The following SNTB2 variants were observed in gnomAD, a reference collection of about 807,000 sequenced individuals.
SNTB2 encodes the protein beta-2-syntrophin.
In SNTB2, 34 loss-of-function variants were observed where a neutral mutation model predicts 46.2. That is an observed-to-expected ratio of 0.74 (90% CI 0.56 to 0.98). The LOEUF (loss-of-function observed/expected upper bound fraction) is 0.98. Among genes scored for constraint, SNTB2 ranks in the 50% least tolerant of loss-of-function variants. The pLI is 0.00. For synonymous variants in SNTB2, 290 were observed against 312.6 expected, an observed-to-expected ratio of 0.93 and a Z score of 0.76; for missense variants, 603 against 731.4, an observed-to-expected ratio of 0.82 and a Z score of 2.02.
In SNTB2 at chr16:69,187,438, TGGGGCCCCCGAGCCCGCCGGCGCCGCCTC is replaced by T; in HGVS notation, c.281_309del (p.Pro94ArgfsTer3). On this transcript the variant is annotated frameshift_variant, in exon 1 of 7. Coordinates refer to ENST00000336278, the MANE Select transcript of SNTB2 (RefSeq NM_006750.4). LOFTEE classifies it high-confidence loss of function. ...CTGCCCGGGAGCCCAAGCCGCGGCC[TGGGGCCCCCGAGCCCGCCGGCGCCGCCTC>T]GGGGCCCCGCGGGTGAGGCGGGCGC... is the stretch of plus-strand genomic sequence containing the variant. The T allele has an allele frequency of 8.5e-7, 1 of 1,172,842 alleles. No individual in the cohort carries two copies. The highest frequency in any genetic ancestry group is 1.1e-6 in the Non-Finnish European group (1 of 950,940). The allele number at this position is 1,172,842 out of a possible 1,614,324, so 72.7% of individuals were successfully genotyped here. A position where few individuals can be genotyped will look rare whatever the true frequency, so the allele number is the denominator to read the frequency against.
At chr16:69,266,936 G>C (rs570452541) in intron 3 of SNTB2, among the ~76,000 whole-genome samples, 154 of 151,980 alleles carry the variant, frequency 1.0e-3, no homozygotes, top group Non-Finnish European at 1.2e-3. Context: ...AGGCTCAAGT[G>C]ATCTGCCCAC....
At chr16:69,273,933 C>T (rs1964962000) in intron 4 of SNTB2, among the ~76,000 whole-genome samples, 1 of 152,132 alleles carries the variant, frequency 6.6e-6, no homozygotes, top group Non-Finnish European at 1.5e-5. Context: ...GTGCCTGACA[C>T]ATTGTAACTG....
rs1367648915 is a variant in SNTB2 at position 69,308,637 on chromosome 16, T to G, written c.*7713T>G. 2 of 152,230 alleles carry G rather than the reference T, an allele frequency of 1.3e-5. No individual in the cohort carries two copies. Among genetic ancestry groups the G allele is most frequent in the Non-Finnish European group, 2.9e-5 (2 of 68,032 alleles). The allele number at this position is 152,230 out of a possible 1,614,324, so 9.4% of individuals were successfully genotyped here. On this transcript the variant is annotated 3_prime_UTR_variant, in exon 7 of 7. Transcript: ENST00000336278. ...CAAACTCTGATGATACCTGCTTATG[T>G]GGATTCTTTTCCACACTGCTTTCAT...
intron 5 of SNTB2, among the ~76,000 whole-genome samples, chr16:69,299,154 T>G (rs1965255673): frequency 1.3e-5 from 2 of 151,884 alleles, no homozygotes; most frequent in Non-Finnish European, 2.9e-5. Flanking sequence ...TTCTTTTTTT[T>G]TTTTTTTTGA....
chr16:69,277,624 A>G (rs1433678235), intron 4 of SNTB2, among the ~76,000 whole-genome samples: 1 of 152,202 alleles, frequency 6.6e-6, no homozygotes, highest in Admixed American at 6.5e-5. Context: ...GGGCTATTAA[A>G]ATACTCTTCC....
intron 2 of SNTB2, among the ~76,000 whole-genome samples, chr16:69,258,292 T>C (rs1964798066): frequency 6.6e-6 from 1 of 152,206 alleles, no homozygotes; most frequent in Non-Finnish European, 1.5e-5. Flanking sequence ...AGTATATATC[T>C]TAGTCATTTA....
intron 1 of SNTB2, among the ~76,000 whole-genome samples, chr16:69,220,534 GT>G (rs535327994): frequency 2.6e-4 from 37 of 140,904 alleles, no homozygotes; most frequent in African/African-American, 2.6e-4. Context: ...TCCATGTTTT[GT>G]TTTTTTTTTT....
chr16:69,269,688 T>A (rs1028950697), intron 3 of SNTB2, among the ~76,000 whole-genome samples: 14 of 152,224 alleles, frequency 9.2e-5, no homozygotes, highest in Non-Finnish European at 1.8e-4. Context: ...CATACTTATT[T>A]GGTAGTAGGA....
At position 69,187,171 on chromosome 16, in the gene SNTB2, G is replaced by C. The variant is rs1434433967; in HGVS notation, c.5G>C (p.Arg2Thr). M[R>T]VAAATAAAGA... ...CGCCGAGGCTGCCTGACTGGAATGA[G>C]GGTAGCTGCGGCGACTGCGGCGGCT... Residue 2 changes from arginine (R) to threonine (T), a missense_variant, in exon 1 of 7, where the codon AGG (arginine) becomes ACG (threonine). Physicochemically the swap from Arg to Thr is moderately conservative, Grantham distance 71. Transcript: ENST00000336278. The C allele has an allele frequency of 8.0e-6, 11 of 1,368,906 alleles. No homozygotes were observed. The highest frequency in any genetic ancestry group is 1.0e-5 in the Non-Finnish European group (11 of 1,058,526). 84.8% of individuals were successfully genotyped at this position (1,368,906 alleles called of 1,614,324 possible). A position where few individuals can be genotyped will look rare whatever the true frequency, so the allele number is the denominator to read the frequency against.
At chr16:69,293,970 A>T (rs556537754) in intron 5 of SNTB2, among the ~76,000 whole-genome samples, 1 of 152,220 alleles carries the variant, frequency 6.6e-6, no homozygotes, top group East Asian at 1.9e-4. Flanking sequence ...CCTAAATCCA[A>T]CTGCAGTTAT....
chr16:69,204,249 G>A (rs1248112940), intron 1 of SNTB2, among the ~76,000 whole-genome samples: 1 of 152,134 alleles, frequency 6.6e-6, no homozygotes, highest in Non-Finnish European at 1.5e-5. Flanking sequence ...CTAAAGACTG[G>A]TGAGTACTCT....
At chr16:69,279,819 C>T (rs1009067990) in intron 4 of SNTB2, among the ~76,000 whole-genome samples, 6 of 144,716 alleles carry the variant, frequency 4.1e-5, no homozygotes, top group Admixed American at 7.2e-5. Context: ...TGAGCCACCA[C>T]GCCTGGCTGT....
chr16:69,205,124 A>G (rs1964201273), intron 1 of SNTB2, among the ~76,000 whole-genome samples: 1 of 150,606 alleles, frequency 6.6e-6, no homozygotes, highest in Non-Finnish European at 1.5e-5. Context: ...GTTGCCCTCA[A>G]TTTCATCCTG....
At chr16:69,213,320 A>G (rs1488811710) in intron 1 of SNTB2, among the ~76,000 whole-genome samples, 1 of 152,068 alleles carries the variant, frequency 6.6e-6, no homozygotes, top group Admixed American at 6.6e-5. Context: ...AATAAAACAC[A>G]TGGAATGTGT....
In SNTB2 at chr16:69,187,245, C is replaced by T. The variant is rs1161162964; in HGVS notation, c.79C>T (p.Leu27=). Residue 27 remains leucine (L), a synonymous_variant, in exon 1 of 7, where the codon CTG becomes TTG. Coordinates refer to ENST00000336278, the MANE Select transcript of SNTB2 (RefSeq NM_006750.4). ...GTGGACGCGGGCCACCAAAGCGGGG[C>T]TGGTGGAGCTGCTCCTGAGGGAGCG... ...AVWTRATKAG[L]VELLLRERWV... The T allele has an allele frequency of 6.8e-7, 1 of 1,474,568 alleles. No homozygotes were observed. Among genetic ancestry groups the T allele is most frequent in the East Asian group, 2.8e-5 (1 of 35,734 alleles). 91.3% of individuals were successfully genotyped at this position (1,474,568 alleles called of 1,614,324 possible). A position where few individuals can be genotyped will look rare whatever the true frequency, so the allele number is the denominator to read the frequency against.
intron 1 of SNTB2, among the ~76,000 whole-genome samples, chr16:69,189,731 C>T (rs1220796485): frequency 2.0e-5 from 3 of 152,196 alleles, no homozygotes; most frequent in African/African-American, 4.8e-5. Flanking sequence ...GCCTGGATGA[C>T]AGAGCAAGAC....
At chr16:69,207,611 A>C (rs1964237077) in intron 1 of SNTB2, among the ~76,000 whole-genome samples, 1 of 152,218 alleles carries the variant, frequency 6.6e-6, no homozygotes, top group African/African-American at 2.4e-5. Context: ...ACATACCTTC[A>C]GAAAAGTGCA....
chr16:69,291,239 G>T (rs1541979), intron 5 of SNTB2, among the ~76,000 whole-genome samples: 50,712 of 151,810 alleles, frequency 0.33, 9,075 homozygotes, highest in African/African-American at 0.45. Flanking sequence ...CCCTTCTGAG[G>T]TGCTCTGAGT....
rs1965260284 is a variant in SNTB2, at chr16:69,299,614, T to A, written c.1370T>A (p.Val457Glu). Reference sequence around the variant, plus strand: ...GGCTGCATGTTAAATGGCCAAGAGGTGAGGCTTACTATTCACTATGAAAAT... The same window carrying A: ...GGCTGCATGTTAAATGGCCAAGAGGAGAGGCTTACTATTCACTATGAAAAT... ...SLGCMLNGQE[V>E]RLTIHYENGF... The change falls in exon 6 of 7, where the codon GTG becomes GAG. Residue 457 changes from valine to glutamate, a missense_variant. Val to Glu is a moderately radical substitution (Grantham distance 121, BLOSUM62 -2). Around this residue, in one of 2 missense-constraint regions of SNTB2, gnomAD observed 537 missense variants for 692.4 expected, o/e 0.78. Transcript: ENST00000336278. 3 of 1,614,068 alleles carry A rather than the reference T, an allele frequency of 1.9e-6. No individual in the cohort carries two copies.
Sources: allele counts gnomAD v4.1 joint callset (sites outside exome capture counted in the v4.1 genomes callset), GRCh38; gene constraint gnomAD v4.1.1; regional missense constraint gnomAD v4.1.1; transcripts MANE v1.5; gene names NCBI Gene and HGNC (gene_info 2026-07-23, HGNC 2026-07-21).